Variants in WDR1 observed in about 807,000 individuals in gnomAD.
WDR1 encodes the protein WD repeat-containing protein 1.
WDR1 carries 21 observed loss-of-function variants against 71.9 expected under a neutral mutation model. That is an observed-to-expected ratio of 0.29 (90% CI 0.21 to 0.42). The LOEUF is 0.42. Ranked by LOEUF, WDR1 falls within the 10% of genes least tolerant of loss-of-function variation. The pLI is 1.00. For synonymous variants in WDR1, 424 were observed against 347.4 expected (o/e 1.22, Z -2.45); for missense variants, 696 against 824.5 (o/e 0.84, Z 1.91).
chr4:10,075,576 A>G (rs1318505723), intron 14 of WDR1, 92 bp from the exon 15 acceptor site: 5 of 1,200,174 alleles, frequency 4.2e-6, no homozygotes. Context: ...CTGTGCCTAA[A>G]TCATCTCCAG....
chr4:10,086,119 G>A (rs11737114), intron 8 of WDR1, among the ~76,000 whole-genome samples: 8,654 of 152,288 alleles, frequency 0.057, 334 homozygotes, highest in Middle Eastern at 0.12. Flanking sequence ...ATGGGAAACT[G>A]TTTTTCTGGG....
intron 11 of WDR1, among the ~76,000 whole-genome samples, chr4:10,080,435 C>T (rs1764967617): frequency 6.6e-6 from 1 of 152,256 alleles, no homozygotes; most frequent in Admixed American, 6.5e-5. Context: ...ATTCCCTTTG[C>T]ACCTCCCCAC....
chr4:10,081,920 G>C lies in WDR1; in HGVS notation c.1197-476C>G, dbSNP rs78384421. Among the ~76,000 whole-genome samples, 766 of 152,270 alleles carry C rather than the reference G, an allele frequency of 5.0e-3. 9 individuals carry two copies. The highest frequency in any genetic ancestry group is 0.017 in the African/African-American group (717 of 41,556). On this transcript the variant is annotated intron_variant, in intron 10 of 14. Coordinates refer to ENST00000499869, the MANE Select transcript of WDR1 (RefSeq NM_017491.5). ...GCCAATGCTATCAAAACTTGTTCTAGAAAGACTCATACACACAAACTTCTT... is the reference window on the plus strand; with the variant it reads ...GCCAATGCTATCAAAACTTGTTCTACAAAGACTCATACACACAAACTTCTT...
At chr4:10,088,607 G>A in intron 6 of WDR1, 57 bp downstream of exon 6, 1 of 1,452,408 alleles carries the variant, frequency 6.9e-7, no homozygotes. Context: ...GCTCTGAGCA[G>A]TCACGGGAGC....
At chr4:10,084,888 G>A (rs868101298) in intron 8 of WDR1, among the ~76,000 whole-genome samples, 42 of 152,194 alleles carry the variant, frequency 2.8e-4, no homozygotes, top group Non-Finnish European at 3.8e-4. Flanking sequence ...ACCAGCACCC[G>A]TCGCGGGGAG....
Position 10,093,129 on chromosome 4 carries a change from G to A in WDR1, c.559-4388C>T, listed in dbSNP as rs141421962. On this transcript the variant is annotated intron_variant, in intron 5 of 14. Coordinates refer to ENST00000499869, the MANE Select transcript of WDR1 (RefSeq NM_017491.5). The stretch of plus-strand genomic sequence containing the variant: ...ATCACAGAGCGACAGAGCGCTGCAG[G>A]CCCCAGCTGGCCTGTCTCCAGCACA... 1.1e-5 allele frequency: 14 copies of A among 1,289,316 alleles called. No individual in the cohort carries two copies. The East Asian group carries it at 7.2e-4, about 66-fold the overall frequency. The allele number at this position is 1,289,316 out of a possible 1,614,324, so 79.9% of individuals were successfully genotyped here.
chr4:10,100,282 A>G (rs1712609058), intron 3 of WDR1, among the ~76,000 whole-genome samples: 1 of 152,228 alleles, frequency 6.6e-6, no homozygotes, highest in Non-Finnish European at 1.5e-5. Context: ...TCTGCCACAC[A>G]CAGGCTTTGT....
intron 10 of WDR1, 120 bp downstream of exon 10, chr4:10,082,902 G>T: frequency 7.8e-7 from 1 of 1,285,638 alleles, no homozygotes; most frequent in South Asian, 1.5e-5. Context: ...CTGGGGACGG[G>T]GTGGGAGAGA....
rs1325246731 is a variant in WDR1, at chr4:10,074,822, G to T, written c.*556C>A. 6.5e-6 allele frequency: 1 copy of T among 153,648 alleles called. No homozygotes were observed. Among genetic ancestry groups the T allele is most frequent in the Non-Finnish European group, 1.4e-5 (1 of 69,032 alleles). The allele number at this position is 153,648 out of a possible 1,614,324, so 9.5% of individuals were successfully genotyped here. The stretch of plus-strand genomic sequence containing the variant: ...AATCTGACAATGAAACATATCCAGG[G>T]GTTGTGTGTCCCCATCTGATCTGGA... On this transcript the variant is annotated 3_prime_UTR_variant, in exon 15 of 15. Coordinates refer to ENST00000499869, the MANE Select transcript of WDR1 (RefSeq NM_017491.5).
rs1197623992 is a variant in WDR1, at chr4:10,097,753, T to G, written c.516A>C (p.Ala172=). The G allele has an allele frequency of 3.1e-6, 5 of 1,612,488 alleles. No individual in the cohort carries two copies. The East Asian group carries it at 1.1e-4, about 36-fold the overall frequency. Residue 172 remains alanine, a synonymous_variant, in exon 5 of 15, where the codon GCA becomes GCC. Transcript: ENST00000499869. ...LATGSDDNCA[A]FFEGPPFKFK... ...ACTTGAATGGGGGTCCCTCAAAGAATGCCGCGCAGTTATCATCGCTTCCCG... is the reference window on the plus strand; with the variant it reads ...ACTTGAATGGGGGTCCCTCAAAGAAGGCCGCGCAGTTATCATCGCTTCCCG...
At chr4:10,116,275 C>T (rs1195236362) in intron 1 of WDR1, 41 bp from the exon 2 acceptor site, 2 of 1,610,442 alleles carry the variant, frequency 1.2e-6, no homozygotes, top group East Asian at 2.2e-5. Flanking sequence ...CAGGGCAGGG[C>T]GGGGACGGCG....
intron 10 of WDR1, among the ~76,000 whole-genome samples, chr4:10,082,309 G>A (rs958607372): frequency 6.6e-6 from 1 of 151,120 alleles, no homozygotes; most frequent in South Asian, 2.1e-4. Flanking sequence ...CAGGCCCCAG[G>A]AGTCCCCATC....
At position 10,099,013 on chromosome 4, in the gene WDR1, A is replaced by G. The variant is rs1053035372; in HGVS notation, c.356T>C (p.Val119Ala). 7 of 1,613,984 alleles carry G rather than the reference A, an allele frequency of 4.3e-6. No individual in the cohort carries two copies. In the African/African-American group the frequency reaches 8.0e-5, roughly 18 times the overall value. ...TCACTTCTCCCTTCCTTCCCCGACC[A>G]CGGCGATCCTCTTACTGTCTTCAGT... The part of the protein sequence containing the change: ...AWTEDSKRIA[V>A]VGEGREKFGA... Residue 119 changes from valine to alanine, a missense_variant, in exon 4 of 15, where the codon GTG becomes GCG. Physicochemically the swap from Val to Ala is moderately conservative, Grantham distance 64. Transcript: ENST00000499869.
chr4:10,095,785 C>T (rs367876761), intron 5 of WDR1, among the ~76,000 whole-genome samples: 2 of 152,210 alleles, frequency 1.3e-5, no homozygotes, highest in Non-Finnish European at 2.9e-5. Context: ...GTCACTGTCA[C>T]CCTGTTTCCG....
intron 3 of WDR1, among the ~76,000 whole-genome samples, chr4:10,102,142 T>C (rs928714479): frequency 1.3e-5 from 2 of 152,168 alleles, no homozygotes; most frequent in Admixed American, 1.3e-4. Flanking sequence ...TTGTGACAGG[T>C]AACGGGTCAC....
At chr4:10,098,417 G>A (rs1235063351) in intron 4 of WDR1, among the ~76,000 whole-genome samples, 1 of 152,258 alleles carries the variant, frequency 6.6e-6, no homozygotes, top group Non-Finnish European at 1.5e-5. Context: ...CCACTGTCAA[G>A]TTCAAGGGGT....
intron 2 of WDR1, chr4:10,115,800 C>T (rs901269648): frequency 1.2e-5 from 3 of 255,672 alleles, no homozygotes; most frequent in African/African-American, 2.2e-5. Flanking sequence ...TCTAATCTCC[C>T]ATCCACGTAC....
chr4:10,082,010 T>C (rs937213217), intron 10 of WDR1, among the ~76,000 whole-genome samples: 1 of 152,220 alleles, frequency 6.6e-6, no homozygotes, highest in Non-Finnish European at 1.5e-5. Context: ...CCAAAGGCTC[T>C]GCAGCAAGGT....
chr4:10,081,244 C>T (rs35548597), intron 11 of WDR1, 113 bp downstream of exon 11: 16,792 of 915,764 alleles, frequency 0.018, 237 homozygotes, highest in Non-Finnish European at 0.022. Context: ...TGCAAATGAG[C>T]ACTCAACCAA....
Sources: allele counts gnomAD v4.1 joint callset (sites outside exome capture counted in the v4.1 genomes callset), GRCh38; gene constraint gnomAD v4.1.1; transcripts MANE v1.5; gene names NCBI Gene and HGNC (gene_info 2026-07-23, HGNC 2026-07-21).